GALNTL6: variants seen among roughly 807,000 people sequenced by gnomAD.
GALNTL6 encodes polypeptide N-acetylgalactosaminyltransferase like 6.
GALNTL6 carries 46 observed loss-of-function variants against 73.7 expected under a neutral mutation model. The ratio of observed to expected loss-of-function variants is 0.62; its 90% CI spans 0.49 to 0.80. GALNTL6 has a LOEUF of 0.80. Ranked by LOEUF, GALNTL6 falls within the 30% of genes least tolerant of loss-of-function variation. The pLI is 0.00. For missense variants in GALNTL6, 604 were observed against 755.0 expected (o/e 0.80, Z 2.34); for synonymous variants, 259 against 263.7 (o/e 0.98, Z 0.17).
At chr4:172,738,207 G>A (rs576176585) in intron 5 of GALNTL6, among the ~76,000 whole-genome samples, 1 of 152,312 alleles carries the variant, frequency 6.6e-6, no homozygotes, top group East Asian at 1.9e-4. Flanking sequence ...TAGAAACCAT[G>A]AGTTGAAGGG....
Position 172,506,159 on chromosome 4 carries a change from G to C in GALNTL6, c.553+157470G>C, listed in dbSNP as rs759458585. Among the ~76,000 whole-genome samples the C allele has an allele frequency of 1.3e-4, 7 of 54,094 alleles. 3 individuals are homozygous for C. The Admixed American group carries it at 1.3e-3, about 10-fold the overall frequency. The allele number at this position is 54,094 out of a possible 152,430, so 35.5% of individuals were successfully genotyped here. A position where few individuals can be genotyped will look rare whatever the true frequency, so the allele number is the denominator to read the frequency against. ...CAACCTGAACATTACGAGACATTAAGTTTTCCCTCTGAGATATTCATTCAG... is the reference window on the plus strand; with the variant it reads ...CAACCTGAACATTACGAGACATTAACTTTTCCCTCTGAGATATTCATTCAG... On this transcript the variant is annotated intron_variant, in intron 5 of 12. Coordinates refer to ENST00000506823, the MANE Select transcript of GALNTL6 (RefSeq NM_001034845.3).
chr4:171,843,287 A>T (rs573266337), intron 2 of GALNTL6, among the ~76,000 whole-genome samples: 73 of 152,262 alleles, frequency 4.8e-4, no homozygotes, highest in African/African-American at 1.8e-3. Context: ...ACATAAAAAA[A>T]TGACTATGAA....
intron 7 of GALNTL6, among the ~76,000 whole-genome samples, chr4:172,822,820 C>A (rs946020333): frequency 3.3e-5 from 5 of 152,036 alleles, no homozygotes; most frequent in Non-Finnish European, 7.4e-5. Flanking sequence ...AACTATTATC[C>A]ACTTTGTTCT....
At chr4:172,980,019 A>G (rs988514553) in intron 10 of GALNTL6, among the ~76,000 whole-genome samples, 4 of 152,222 alleles carry the variant, frequency 2.6e-5, no homozygotes, top group African/African-American at 9.6e-5. Flanking sequence ...GCATAAAATG[A>G]GGGTGAAACA....
chr4:172,491,911 G>C (rs535167188), intron 5 of GALNTL6, among the ~76,000 whole-genome samples: 47 of 152,120 alleles, frequency 3.1e-4, no homozygotes, highest in Non-Finnish European at 6.2e-4. Flanking sequence ...TTTAATGTTA[G>C]AGCATTCTTA....
intron 2 of GALNTL6, among the ~76,000 whole-genome samples, chr4:172,006,743 T>C (rs1174317981): frequency 6.6e-6 from 1 of 152,126 alleles, no homozygotes; most frequent in Non-Finnish European, 1.5e-5. Flanking sequence ...ACATAGTCAT[T>C]GCTAATAATT....
intron 2 of GALNTL6, among the ~76,000 whole-genome samples, chr4:172,073,267 T>C (rs1230741004): frequency 6.6e-6 from 1 of 152,190 alleles, no homozygotes; most frequent in Non-Finnish European, 1.5e-5. Context: ...TGCAAGCCCT[T>C]GAAACGATGT....
At chr4:172,145,571 A>C (rs1284983087) in intron 2 of GALNTL6, among the ~76,000 whole-genome samples, 1 of 152,094 alleles carries the variant, frequency 6.6e-6, no homozygotes, top group East Asian at 1.9e-4. Context: ...CTATCTTCTC[A>C]TATCTCAGTC....
rs140503435 is a variant in GALNTL6, at chr4:172,822,548, G to T, written c.923+8825G>T. ...TCCTCTGTGTTTCTTTGGTAACATC[G>T]CCTCTTAAATTTTGGACTTCTGATC... On this transcript the variant is annotated intron_variant, in intron 7 of 12. Coordinates refer to ENST00000506823, the MANE Select transcript of GALNTL6 (RefSeq NM_001034845.3). Among the ~76,000 whole-genome samples the T allele has an allele frequency of 3.9e-5, 6 of 152,146 alleles. No homozygotes were observed. In the East Asian group the frequency reaches 1.2e-3, roughly 29 times the overall value.
At position 172,067,962 on chromosome 4, in the gene GALNTL6, G is replaced by T. The variant is rs1731412975; in HGVS notation, c.139-161694G>T. Among the ~76,000 whole-genome samples, 2 of 109,580 alleles carry T rather than the reference G, an allele frequency of 1.8e-5. 1 individual carries two copies. The highest frequency in any genetic ancestry group is 6.9e-5 in the African/African-American group (2 of 29,076). 71.9% of individuals were successfully genotyped at this position (109,580 alleles called of 152,430 possible). A position where few individuals can be genotyped will look rare whatever the true frequency, so the allele number is the denominator to read the frequency against. On this transcript the variant is annotated intron_variant, in intron 2 of 12. Transcript: ENST00000506823. ...GAAAATGGTGAATCAGTTCCTCTTG[G>T]GGTGGGGGTGTTAGTATGGTAATGC...
At chr4:172,463,133 C>CA (rs1382289902) in intron 5 of GALNTL6, among the ~76,000 whole-genome samples, 2 of 151,740 alleles carry the variant, frequency 1.3e-5, no homozygotes, top group Non-Finnish European at 2.9e-5. Flanking sequence ...AGAGCTGTTT[C>CA]AAAAAACACA....
intron 5 of GALNTL6, among the ~76,000 whole-genome samples, chr4:172,572,630 A>G (rs1736805740): frequency 6.6e-6 from 1 of 152,164 alleles, no homozygotes; most frequent in Non-Finnish European, 1.5e-5. Context: ...GCCTCTGTGT[A>G]ATCTAAGTTC....
At chr4:172,678,461 T>G (rs1732435357) in intron 5 of GALNTL6, among the ~76,000 whole-genome samples, 1 of 152,030 alleles carries the variant, frequency 6.6e-6, no homozygotes, top group Non-Finnish European at 1.5e-5. Flanking sequence ...TTCTCTTGCC[T>G]CAGCCTCCCA....
chr4:172,485,148 T>G (rs1421836805), intron 5 of GALNTL6, among the ~76,000 whole-genome samples: 4 of 152,164 alleles, frequency 2.6e-5, no homozygotes, highest in African/African-American at 9.6e-5. Flanking sequence ...TTTGTTCTAC[T>G]TAAAACAATG....
At chr4:172,599,976 A>G (rs968905042) in intron 5 of GALNTL6, among the ~76,000 whole-genome samples, 2 of 152,162 alleles carry the variant, frequency 1.3e-5, no homozygotes, top group East Asian at 1.9e-4. Context: ...TTTTATGAAA[A>G]TACTGGGTAA....
Position 171,821,640 on chromosome 4 carries a change from G to GATATATATATATATATAT in GALNTL6, c.138+6932_138+6949dup, listed in dbSNP as rs3080305. On this transcript the variant is annotated intron_variant, in intron 2 of 12. Transcript: ENST00000506823. ...TAACAGTATATAACAAGGCTTAACG[G>GATATATATATATATATAT]ATATATATATATATATATATATATA... Among the ~76,000 whole-genome samples, 582 of 146,138 alleles carry GATATATATATATATATAT rather than the reference G, an allele frequency of 4.0e-3. 6 individuals carry two copies. Among genetic ancestry groups the GATATATATATATATATAT allele is most frequent in the African/African-American group, 7.8e-3 (297 of 38,006 alleles).
At chr4:172,559,331 T>C (rs1172713601) in intron 5 of GALNTL6, among the ~76,000 whole-genome samples, 1 of 152,084 alleles carries the variant, frequency 6.6e-6, no homozygotes, top group Non-Finnish European at 1.5e-5. Context: ...CCCAAAGTGC[T>C]GGGATTAGAT....
At chr4:172,165,892 T>C (rs1023222754) in intron 2 of GALNTL6, among the ~76,000 whole-genome samples, 4 of 152,030 alleles carry the variant, frequency 2.6e-5, no homozygotes, top group Admixed American at 2.0e-4. Flanking sequence ...TGCAGGTAGA[T>C]CAGTGGGATG....
At chr4:171,974,340 A>T (rs1416404205) in intron 2 of GALNTL6, among the ~76,000 whole-genome samples, 1 of 152,132 alleles carries the variant, frequency 6.6e-6, no homozygotes, top group Non-Finnish European at 1.5e-5. Context: ...AATCAGGCCC[A>T]CCATAGCAGC....
Sources: gnomAD v4.1 joint callset for allele counts (sites outside exome capture counted in the v4.1 genomes callset) on GRCh38, gnomAD v4.1.1 for gene constraint, MANE v1.5 for transcripts, NCBI Gene and HGNC (gene_info 2026-07-23, HGNC 2026-07-21) for gene names.